Variants in BABAM2 observed in about 807,000 individuals in gnomAD.
BABAM2 encodes BRISC and BRCA1 A complex member 2.
A neutral mutation model predicts 54.7 loss-of-function variants in BABAM2; 31 were observed. The ratio of observed to expected loss-of-function variants is 0.57; its 90% CI spans 0.43 to 0.77. The LOEUF (loss-of-function observed/expected upper bound fraction) is 0.77, where lower values mean the gene tolerates loss of function less well. Ranked by LOEUF, BABAM2 falls within the 30% of genes least tolerant of loss-of-function variation. The probability of loss-of-function intolerance (pLI) is 0.00; values close to 1 mark genes in which losing one functional copy is unlikely to be tolerated. For synonymous variants in BABAM2, 167 were observed against 162.9 expected, an observed-to-expected ratio of 1.03 and a Z score of -0.19; for missense variants, 364 against 455.8, an observed-to-expected ratio of 0.80 and a Z score of 1.83.
At chr2:28,028,456 C>A (rs1011355344) in intron 5 of BABAM2, among the ~76,000 whole-genome samples, 1 of 151,868 alleles carries the variant, frequency 6.6e-6, no homozygotes, top group Admixed American at 6.6e-5. Flanking sequence ...TACCAGAGAC[C>A]GCTGGGAGCC....
At chr2:27,960,083 A>G (rs1260714784) in intron 3 of BABAM2, among the ~76,000 whole-genome samples, 1 of 151,854 alleles carries the variant, frequency 6.6e-6, no homozygotes, top group Non-Finnish European at 1.5e-5. Flanking sequence ...GCTTTTGTTC[A>G]TTGTTAGACT....
intron 7 of BABAM2, among the ~76,000 whole-genome samples, chr2:28,137,003 A>G (rs1284619328): frequency 6.6e-6 from 1 of 152,246 alleles, no homozygotes; most frequent in African/African-American, 2.4e-5. Flanking sequence ...ACCAAATTTG[A>G]TATCTTAACA....
chr2:28,300,250 A>G (rs897233282), intron 11 of BABAM2, among the ~76,000 whole-genome samples: 1 of 152,106 alleles, frequency 6.6e-6, no homozygotes, highest in Non-Finnish European at 1.5e-5. Flanking sequence ...GAGATTCTTA[A>G]ATAATGTCAG....
At chr2:28,050,120 G>A (rs1255022665) in intron 6 of BABAM2, among the ~76,000 whole-genome samples, 1 of 152,192 alleles carries the variant, frequency 6.6e-6, no homozygotes, top group Non-Finnish European at 1.5e-5. Context: ...TTTTCCATTT[G>A]ATAATTTGGG....
At chr2:28,167,286 A>G (rs1014426938) in intron 7 of BABAM2, among the ~76,000 whole-genome samples, 1 of 152,216 alleles carries the variant, frequency 6.6e-6, no homozygotes, top group African/African-American at 2.4e-5. Flanking sequence ...TAGTGAAACA[A>G]TTTCAGAGAA....
At chr2:28,269,493 C>T (rs1264110627) in intron 10 of BABAM2, among the ~76,000 whole-genome samples, 1 of 152,206 alleles carries the variant, frequency 6.6e-6, no homozygotes, top group Non-Finnish European at 1.5e-5. Context: ...TCAGCAGCTG[C>T]ACTCTGGAAC....
intron 10 of BABAM2, among the ~76,000 whole-genome samples, chr2:28,281,599 T>G (rs145963000): frequency 5.1e-4 from 77 of 152,250 alleles, no homozygotes; most frequent in African/African-American, 1.7e-3. Context: ...TTAGACCCAA[T>G]CTGATGGTGA....
chr2:27,957,862 A>C (rs761892511), intron 3 of BABAM2, among the ~76,000 whole-genome samples: 2 of 152,190 alleles, frequency 1.3e-5, no homozygotes, highest in Non-Finnish European at 2.9e-5. Flanking sequence ...TGAGGCTTTC[A>C]TCTTACTCTA....
intron 7 of BABAM2, among the ~76,000 whole-genome samples, chr2:28,136,878 T>G (rs546782690): frequency 6.6e-6 from 1 of 152,264 alleles, no homozygotes; most frequent in South Asian, 2.1e-4. Flanking sequence ...ATTAAAATAA[T>G]ACTACTTAAA....
At chr2:28,117,945 TC>T (rs1668745820) in intron 6 of BABAM2, among the ~76,000 whole-genome samples, 1 of 152,224 alleles carries the variant, frequency 6.6e-6, no homozygotes, top group Non-Finnish European at 1.5e-5. Flanking sequence ...TTCTACCTTT[TC>T]TTTAAGTTAT....
chr2:28,210,882 A>G (rs1328991073), intron 7 of BABAM2, among the ~76,000 whole-genome samples: 2 of 152,220 alleles, frequency 1.3e-5, no homozygotes, highest in East Asian at 1.9e-4. Context: ...AACATTTTAA[A>G]CATTTGAGGA....
intron 7 of BABAM2, among the ~76,000 whole-genome samples, chr2:28,210,762 T>A (rs1347981410): frequency 6.6e-6 from 1 of 152,214 alleles, no homozygotes; most frequent in Non-Finnish European, 1.5e-5. Context: ...AGCAAAGCTG[T>A]CATGAAATAC....
chr2:28,239,165 A>G (rs1160145034), intron 8 of BABAM2, among the ~76,000 whole-genome samples: 1 of 152,196 alleles, frequency 6.6e-6, no homozygotes. Context: ...TCTTTTCTCA[A>G]AATAACATTT....
chr2:27,917,525 A>G (rs1667069144), intron 2 of BABAM2, among the ~76,000 whole-genome samples: 1 of 152,114 alleles, frequency 6.6e-6, no homozygotes, highest in African/African-American at 2.4e-5. Context: ...GCATGGCAGA[A>G]GGGAAAAGGG....
intron 6 of BABAM2, among the ~76,000 whole-genome samples, chr2:28,110,549 G>A (rs568684717): frequency 3.3e-5 from 5 of 151,902 alleles, no homozygotes; most frequent in East Asian, 1.9e-4. Context: ...ACTTGAACCC[G>A]GGAAGTGGAG....
chr2:27,899,318 C>T lies in BABAM2; in HGVS notation c.128+4634C>T, dbSNP rs909290497. Among the ~76,000 whole-genome samples the T allele has an allele frequency of 3.3e-5, 5 of 152,082 alleles. 1 individual carries two copies. The highest frequency in any genetic ancestry group is 5.9e-5 in the Non-Finnish European group (4 of 68,020). On this transcript the variant is annotated intron_variant, in intron 2 of 11. Transcript: ENST00000379624. Reference sequence around the variant, plus strand: ...AAATTCTTACTCTTTCTATCAGTATCCTGAGAAACCAGTTACGTTTTTCAG... The same window carrying T: ...AAATTCTTACTCTTTCTATCAGTATTCTGAGAAACCAGTTACGTTTTTCAG...
chr2:27,980,655 G>A (rs886407625), intron 3 of BABAM2, among the ~76,000 whole-genome samples: 2 of 151,672 alleles, frequency 1.3e-5, no homozygotes, highest in African/African-American at 4.8e-5. Context: ...TTACTTCTTT[G>A]TTTTGAAAAA....
chr2:28,065,139 TA>T (rs1184335134), intron 6 of BABAM2, among the ~76,000 whole-genome samples: 1 of 152,204 alleles, frequency 6.6e-6, no homozygotes. Flanking sequence ...GTCAACACTG[TA>T]ATATAAAGCT....
chr2:27,959,990 AT>A (rs1169495595), intron 3 of BABAM2, among the ~76,000 whole-genome samples: 1 of 152,014 alleles, frequency 6.6e-6, no homozygotes, highest in Non-Finnish European at 1.5e-5. Flanking sequence ...TGATTGCTTC[AT>A]CCTAATTTTT....
Sources: allele counts gnomAD v4.1 joint callset (sites outside exome capture counted in the v4.1 genomes callset), GRCh38; gene constraint gnomAD v4.1.1; transcripts MANE v1.5; gene names NCBI Gene and HGNC (gene_info 2026-07-23, HGNC 2026-07-21).